Variants in KCNH7 observed in about 807,000 individuals in gnomAD.
KCNH7 encodes the protein voltage-gated inwardly rectifying potassium channel KCNH7.
In KCNH7, 49 loss-of-function variants were observed where a neutral mutation model predicts 120.8. The ratio of observed to expected loss-of-function variants is 0.41; its 90% CI spans 0.32 to 0.51. The LOEUF (loss-of-function observed/expected upper bound fraction) is 0.51, where lower values mean the gene tolerates loss of function less well. KCNH7 is among the 20% of genes least tolerant of loss of function. KCNH7 has a pLI of 0.38. For missense variants in KCNH7, 1,097 were observed against 1,446.6 expected, an observed-to-expected ratio of 0.76 and a Z score of 3.92; for synonymous variants, 547 against 516.1, an observed-to-expected ratio of 1.06 and a Z score of -0.81.
At chr2:162,545,854 T>C (rs181086426) in intron 2 of KCNH7, among the ~76,000 whole-genome samples, 1 of 152,292 alleles carries the variant, frequency 6.6e-6, no homozygotes, top group Non-Finnish European at 1.5e-5. Flanking sequence ...TCAGGAGTTG[T>C]TCCCCTTCCT....
chr2:162,713,017 T>C (rs995128740), intron 2 of KCNH7, among the ~76,000 whole-genome samples: 1 of 152,098 alleles, frequency 6.6e-6, no homozygotes, highest in African/African-American at 2.4e-5. Flanking sequence ...GATGAATCCC[T>C]GGGTTTAAAT....
At chr2:162,798,842 A>G (rs970506374) in intron 2 of KCNH7, among the ~76,000 whole-genome samples, 3 of 151,932 alleles carry the variant, frequency 2.0e-5, no homozygotes, top group African/African-American at 4.8e-5. Flanking sequence ...GCACAACACT[A>G]TGAATGAAAA....
intron 2 of KCNH7, among the ~76,000 whole-genome samples, chr2:162,813,640 CTACTAA>C (rs1684812582): frequency 6.6e-6 from 1 of 152,198 alleles, no homozygotes; most frequent in Non-Finnish European, 1.5e-5. Context: ...ACTCAAATTT[CTACTAA>C]GTCTGTCATT....
chr2:162,409,026 A>G (rs530279195), intron 9 of KCNH7, among the ~76,000 whole-genome samples: 4 of 151,974 alleles, frequency 2.6e-5, no homozygotes, highest in African/African-American at 9.6e-5. Flanking sequence ...AAACAATAGC[A>G]TAATACAAAT....
In KCNH7 at chr2:162,435,436, C is replaced by G; in HGVS notation, c.1716G>C (p.Ala572=). The part of the protein sequence containing the change: ...IAHWLACIWY[A]IGNVERPYLT... ...GGTAAGGCCTTTCTACATTCCCAAT[C>G]GCATACCAAATGCAAGCCAGCCAGT... The change falls in exon 8 of 16, where the codon GCG becomes GCC. Residue 572 remains alanine (A), a synonymous_variant. Transcript: ENST00000332142. 1 of 1,613,804 alleles carries G rather than the reference C, an allele frequency of 6.2e-7. No individual in the cohort carries two copies. The highest frequency in any genetic ancestry group is 1.3e-5 in the African/African-American group (1 of 75,018).
chr2:162,413,779 A>T (rs952198663), intron 9 of KCNH7, among the ~76,000 whole-genome samples: 10 of 151,082 alleles, frequency 6.6e-5, no homozygotes, highest in African/African-American at 1.5e-4. Flanking sequence ...AGATAATATT[A>T]AAAAAAAACA....
chr2:162,807,745 C>G (rs886997164), intron 2 of KCNH7, among the ~76,000 whole-genome samples: 2 of 151,866 alleles, frequency 1.3e-5, no homozygotes, highest in Non-Finnish European at 2.9e-5. Flanking sequence ...TGCAGTGGCG[C>G]AATCTCGGCT....
At chr2:162,507,521 G>A (rs1001091534) in intron 5 of KCNH7, among the ~76,000 whole-genome samples, 1 of 151,524 alleles carries the variant, frequency 6.6e-6, no homozygotes, top group Non-Finnish European at 1.5e-5. Flanking sequence ...TCTCTATAAT[G>A]TCTCAATTGC....
chr2:162,487,641 G>A (rs534608550), intron 6 of KCNH7, among the ~76,000 whole-genome samples: 1 of 152,132 alleles, frequency 6.6e-6, no homozygotes, highest in African/African-American at 2.4e-5. Flanking sequence ...AGTTCTAGAG[G>A]GTTTATTATC....
chr2:162,605,563 T>C (rs1682721677), intron 2 of KCNH7, among the ~76,000 whole-genome samples: 2 of 152,112 alleles, frequency 1.3e-5, no homozygotes, highest in African/African-American at 2.4e-5. Flanking sequence ...GAATACTGAA[T>C]GCATTTTTAT....
intron 4 of KCNH7, among the ~76,000 whole-genome samples, chr2:162,513,224 TCCTGC>T: frequency 9.1e-6 from 1 of 109,974 alleles, no homozygotes; most frequent in Non-Finnish European, 1.8e-5. Flanking sequence ...CCTCCTTCCC[TCCTGC>T]CTTCCTCCCT....
chr2:162,587,618 C>T (rs184212219), intron 2 of KCNH7, among the ~76,000 whole-genome samples: 1 of 152,156 alleles, frequency 6.6e-6, no homozygotes, highest in East Asian at 1.9e-4. Flanking sequence ...TCCCAACCCT[C>T]TCTGTGTTTT....
Position 162,490,254 on chromosome 2 carries a change from C to T in KCNH7, c.1128+14189G>A, listed in dbSNP as rs141999454. On this transcript the variant is annotated intron_variant, in intron 6 of 15. Transcript: ENST00000332142. Reference sequence around the variant, plus strand: ...TGTGCACTAGGGGGATTAGGTGGAGCCACCGGGAATTAGTGCCTTATGCAA... The same window carrying T: ...TGTGCACTAGGGGGATTAGGTGGAGTCACCGGGAATTAGTGCCTTATGCAA... Among the ~76,000 whole-genome samples, 415 of 152,316 alleles carry T rather than the reference C, an allele frequency of 2.7e-3. 3 individuals are homozygous for T. Among genetic ancestry groups the T allele is most frequent in the African/African-American group, 9.6e-3 (400 of 41,570 alleles).
intron 2 of KCNH7, among the ~76,000 whole-genome samples, chr2:162,758,033 T>C (rs369173548): frequency 2.0e-5 from 3 of 152,200 alleles, no homozygotes; most frequent in African/African-American, 7.2e-5. Context: ...TATGCAGATA[T>C]GGTCTAACAC....
At chr2:162,697,208 G>T (rs973646387) in intron 2 of KCNH7, among the ~76,000 whole-genome samples, 1 of 152,058 alleles carries the variant, frequency 6.6e-6, no homozygotes, top group South Asian at 2.1e-4. Context: ...CCATAATTTT[G>T]CCAGAGGGGT....
At chr2:162,702,342 A>G (rs1382857848) in intron 2 of KCNH7, among the ~76,000 whole-genome samples, 1 of 152,156 alleles carries the variant, frequency 6.6e-6, no homozygotes, top group African/African-American at 2.4e-5. Context: ...TGCACAGATA[A>G]ACCACAGTAG....
chr2:162,508,002 A>G (rs1690941287), intron 5 of KCNH7, among the ~76,000 whole-genome samples: 1 of 151,578 alleles, frequency 6.6e-6, no homozygotes, highest in Admixed American at 6.6e-5. Flanking sequence ...TTTTCTAGTG[A>G]AGTTATATTT....
chr2:162,747,316 G>C (rs1035620114), intron 2 of KCNH7, among the ~76,000 whole-genome samples: 3 of 152,152 alleles, frequency 2.0e-5, no homozygotes, highest in Non-Finnish European at 4.4e-5. Context: ...AACAGTGAGA[G>C]TTAAAAATAA....
At chr2:162,450,876 C>T (rs1688744476) in intron 6 of KCNH7, among the ~76,000 whole-genome samples, 1 of 151,930 alleles carries the variant, frequency 6.6e-6, no homozygotes, top group Admixed American at 6.6e-5. Context: ...TGGAAGCCTA[C>T]ACTAGGAACC....
Sources: allele counts gnomAD v4.1 joint callset (sites outside exome capture counted in the v4.1 genomes callset), GRCh38; gene constraint gnomAD v4.1.1; transcripts MANE v1.5; gene names NCBI Gene and HGNC (gene_info 2026-07-23, HGNC 2026-07-21).